Variants in EPHA3 observed in about 807,000 individuals in gnomAD.
The protein encoded by EPHA3 is ephrin type-A receptor 3.
A neutral mutation model predicts 107.1 loss-of-function variants in EPHA3; 42 were observed. The observed-to-expected ratio is 0.39, with a 90% confidence interval of 0.31 to 0.51. EPHA3 has a LOEUF of 0.51. EPHA3 is among the 20% of genes least tolerant of loss of function. EPHA3 has a pLI of 0.78. For missense variants in EPHA3, 1,183 were observed against 1,211.2 expected (o/e 0.98, Z 0.35); for synonymous variants, 461 against 424.8 (o/e 1.09, Z -1.05).
At chr3:89,382,103 T>C (rs1481700100) in intron 5 of EPHA3, among the ~76,000 whole-genome samples, 3 of 152,160 alleles carry the variant, frequency 2.0e-5, no homozygotes, top group South Asian at 2.1e-4. Context: ...TTTTGCTTGC[T>C]TGAAAAAAGT....
At chr3:89,406,915 C>G (rs1222131303) in intron 7 of EPHA3, among the ~76,000 whole-genome samples, 1 of 152,102 alleles carries the variant, frequency 6.6e-6, no homozygotes, top group Admixed American at 6.6e-5. Flanking sequence ...CCTCTCTTCT[C>G]TAAGATCCTC....
intron 2 of EPHA3, among the ~76,000 whole-genome samples, chr3:89,188,739 CATCTTAATAAATG>C (rs981256648): frequency 2.6e-5 from 4 of 152,094 alleles, no homozygotes; most frequent in African/African-American, 9.7e-5. Context: ...TAATCTTTCC[CATCTTAATAAATG>C]ATTTTCTTCT....
At chr3:89,121,192 T>C (rs1023762027) in intron 1 of EPHA3, among the ~76,000 whole-genome samples, 2 of 152,060 alleles carry the variant, frequency 1.3e-5, no homozygotes, top group Non-Finnish European at 2.9e-5. Context: ...GAGGAGATCG[T>C]GCCACTGCAC....
chr3:89,411,599 T>C (rs550268633), intron 9 of EPHA3, among the ~76,000 whole-genome samples: 3 of 152,072 alleles, frequency 2.0e-5, no homozygotes, highest in Non-Finnish European at 4.4e-5. Context: ...TACGTTTTTT[T>C]ACTCAAAATC....
At chr3:89,332,639 G>A (rs1334546778) in intron 3 of EPHA3, among the ~76,000 whole-genome samples, 1 of 152,140 alleles carries the variant, frequency 6.6e-6, no homozygotes, top group African/African-American at 2.4e-5. Context: ...GTGGAGTGCA[G>A]CTCATTTTGG....
At chr3:89,452,168 G>C (rs1245317437) in intron 15 of EPHA3, among the ~76,000 whole-genome samples, 1 of 152,052 alleles carries the variant, frequency 6.6e-6, no homozygotes, top group Admixed American at 6.6e-5. Flanking sequence ...CAATGAACAT[G>C]GGAATATAGA....
chr3:89,246,952 A>G (rs1424478094), intron 3 of EPHA3, among the ~76,000 whole-genome samples: 1 of 152,176 alleles, frequency 6.6e-6, no homozygotes, highest in Non-Finnish European at 1.5e-5. Context: ...ATACAGAACA[A>G]GAGCAAATGT....
chr3:89,447,761 G>C (rs189690848), intron 13 of EPHA3, among the ~76,000 whole-genome samples: 18 of 152,174 alleles, frequency 1.2e-4, no homozygotes, highest in Admixed American at 1.1e-3. Flanking sequence ...TTGTCGTTTA[G>C]TCCCACATAA....
rs1351709454 is a variant in EPHA3, at chr3:89,359,768, C to CATATAT, written c.1306+17679_1306+17680insTATATA. ...ATATACACATATATACACATATATA[C>CATATAT]ACACATATATATACATATATATACA... On this transcript the variant is annotated intron_variant, in intron 5 of 16. Transcript: ENST00000336596. 2.9e-5 allele frequency among the ~76,000 whole-genome samples: 3 copies of CATATAT among 104,030 alleles called. 1 individual carries two copies. Among genetic ancestry groups the CATATAT allele is most frequent in the African/African-American group, 8.1e-5 (2 of 24,630 alleles). 68.2% of individuals were successfully genotyped at this position (104,030 alleles called of 152,430 possible). A position where few individuals can be genotyped will look rare whatever the true frequency, so the allele number is the denominator to read the frequency against.
chr3:89,263,455 C>G (rs918737803), intron 3 of EPHA3, among the ~76,000 whole-genome samples: 1 of 152,050 alleles, frequency 6.6e-6, no homozygotes, highest in Non-Finnish European at 1.5e-5. Flanking sequence ...TGAGGTTGCA[C>G]GAACGAATTG....
At chr3:89,190,627 G>A (rs1705692423) in intron 2 of EPHA3, among the ~76,000 whole-genome samples, 1 of 152,038 alleles carries the variant, frequency 6.6e-6, no homozygotes. Context: ...AGGTGTAATT[G>A]CATAAAGTTG....
intron 2 of EPHA3, among the ~76,000 whole-genome samples, chr3:89,146,082 T>C (rs996439060): frequency 6.6e-6 from 1 of 151,792 alleles, no homozygotes; most frequent in African/African-American, 2.4e-5. Context: ...ACATGGAAAA[T>C]TCTAGAAATA....
intron 3 of EPHA3, among the ~76,000 whole-genome samples, chr3:89,255,847 G>A (rs1020541588): frequency 6.6e-6 from 1 of 152,030 alleles, no homozygotes; most frequent in African/African-American, 2.4e-5. Flanking sequence ...GATGCAGTGA[G>A]CCAAGATCGT....
intron 2 of EPHA3, among the ~76,000 whole-genome samples, chr3:89,180,012 A>G (rs910906677): frequency 4.6e-5 from 7 of 151,916 alleles, no homozygotes; most frequent in Non-Finnish European, 8.8e-5. Flanking sequence ...TGCAGTTCGT[A>G]TATTCATATC....
chr3:89,399,020 C>T (rs1203165254), intron 6 of EPHA3, among the ~76,000 whole-genome samples: 3 of 151,938 alleles, frequency 2.0e-5, no homozygotes, highest in Non-Finnish European at 4.4e-5. Context: ...GTCCCAGCTA[C>T]TCAGGAGGCT....
chr3:89,324,368 C>G (rs1296607298), intron 3 of EPHA3, among the ~76,000 whole-genome samples: 3 of 151,358 alleles, frequency 2.0e-5, no homozygotes, highest in Non-Finnish European at 4.4e-5. Flanking sequence ...ACGAGGTTTC[C>G]CCATGTTGGC....
In EPHA3 at chr3:89,363,125, G is replaced by T. The variant is rs143355905; in HGVS notation, c.1306+21035G>T. 9.4e-4 allele frequency among the ~76,000 whole-genome samples: 142 copies of T among 150,918 alleles called. 2 individuals are homozygous for T. The highest frequency in any genetic ancestry group is 3.1e-3 in the African/African-American group (128 of 41,406). On this transcript the variant is annotated intron_variant, in intron 5 of 16. Coordinates refer to ENST00000336596, the MANE Select transcript of EPHA3 (RefSeq NM_005233.6). ...GCAAAGTCATTTTTCAATTATATTA[G>T]TCCACATATTAATGAAGTTTCTCCA...
chr3:89,452,205 TC>T (rs1384787001), intron 15 of EPHA3, among the ~76,000 whole-genome samples: 1 of 152,182 alleles, frequency 6.6e-6, no homozygotes, highest in Non-Finnish European at 1.5e-5. Flanking sequence ...TGACTTCATT[TC>T]CTTTGGCTAT....
At position 89,342,069 on chromosome 3, in the gene EPHA3, A is replaced by G. The variant is rs1707540194; in HGVS notation, c.1285A>G (p.Ser429Gly). 6.2e-7 allele frequency: 1 copy of G among 1,609,924 alleles called. No individual in the cohort carries two copies. Among genetic ancestry groups the G allele is most frequent in the African/African-American group, 1.4e-5 (1 of 73,496 alleles). The change falls in exon 5 of 17, where the codon AGC becomes GGC. Residue 429 changes from serine to glycine, a missense_variant. Ser to Gly is a moderately conservative substitution (Grantham distance 56). Coordinates refer to ENST00000336596, the MANE Select transcript of EPHA3 (RefSeq NM_005233.6). ...SSPPRQFAAV[S>G]ITTNQAAPSP... ...CCCACCAAGACAGTTTGCTGCGGTC[A>G]GCATCACAACTAATCAGGCTGGTGA...
Sources: gnomAD v4.1 joint callset for allele counts (sites outside exome capture counted in the v4.1 genomes callset) on GRCh38, gnomAD v4.1.1 for gene constraint, MANE v1.5 for transcripts, NCBI Gene and HGNC (gene_info 2026-07-23, HGNC 2026-07-21) for gene names.